Variants in TMEM181 observed in about 807,000 individuals in gnomAD.
The protein encoded by TMEM181 is transmembrane protein 181, also known as G protein-coupled receptor 178.
A neutral mutation model predicts 71.9 loss-of-function variants in TMEM181; 39 were observed. The observed-to-expected ratio is 0.54, with a 90% CI of 0.42 to 0.71. TMEM181 has a LOEUF of 0.71. TMEM181 is among the 30% of genes least tolerant of loss of function. The pLI, the probability that TMEM181 is intolerant of heterozygous loss-of-function variation, is 0.00. For missense variants in TMEM181, 595 were observed against 583.0 expected, an observed-to-expected ratio of 1.02 and a Z score of -0.21; for synonymous variants, 245 against 228.8, an observed-to-expected ratio of 1.07 and a Z score of -0.64.
At chr6:158,570,399 A>T (rs1183952557) in intron 1 of TMEM181, among the ~76,000 whole-genome samples, 10 of 142,714 alleles carry the variant, frequency 7.0e-5, no homozygotes, top group African/African-American at 2.6e-4. Context: ...AGCCTGGCTA[A>T]TTTTTTTTTT....
At chr6:158,592,344 A>C (rs888393036) in intron 6 of TMEM181, among the ~76,000 whole-genome samples, 10 of 152,212 alleles carry the variant, frequency 6.6e-5, no homozygotes, top group Admixed American at 6.5e-4. Context: ...TTTTTCAACC[A>C]ATCAATTTTC....
upstream of TMEM181, among the ~76,000 whole-genome samples, chr6:158,556,208 C>A (rs1445498955): frequency 6.6e-6 from 1 of 152,132 alleles, no homozygotes; most frequent in African/African-American, 2.4e-5. Flanking sequence ...AAAGCTGCTA[C>A]CAAAAAGAGG....
Position 158,608,416 on chromosome 6 carries a change from G to A in TMEM181, c.757G>A (p.Ala253Thr), listed in dbSNP as rs368999298. Residue 253 changes from alanine (A) to threonine (T), a missense_variant, in exon 9 of 17, where the codon GCC (alanine) becomes ACC (threonine). By Grantham distance (58) the Ala-to-Thr change is moderately conservative. Coordinates refer to ENST00000684151, the MANE Select transcript of TMEM181 (RefSeq NM_001376852.1). ...DDLFQSMFLC[A>T]LLLFWLCVYH... ...CCTCTTTCAGTCCATGTTCCTGTGC[G>A]CCCTGCTGCTCTTCTGGCTGTGCGT... 1.2e-5 allele frequency: 20 copies of A among 1,614,040 alleles called. No individual in the cohort carries two copies. The highest frequency in any genetic ancestry group is 1.4e-5 in the Non-Finnish European group (17 of 1,180,046).
chr6:158,589,561 GGA>G, intron 5 of TMEM181, 109 bp from the exon 6 acceptor site: 1 of 772,218 alleles, frequency 1.3e-6, no homozygotes. Flanking sequence ...CGAGTTCCCT[GGA>G]GACAATGAGT....
chr6:158,559,403 A>C (rs1376138131), upstream of TMEM181, among the ~76,000 whole-genome samples: 1 of 152,220 alleles, frequency 6.6e-6, no homozygotes, highest in Non-Finnish European at 1.5e-5. Context: ...TCCTTTATTT[A>C]ACTCATGCAG....
At chr6:158,546,867 G>A (rs968443210) in intron 1 of TMEM181, among the ~76,000 whole-genome samples, 1 of 152,210 alleles carries the variant, frequency 6.6e-6, no homozygotes, top group Admixed American at 6.5e-5. Flanking sequence ...GGCTGAGGCC[G>A]GAGAATCATT....
chr6:158,536,875 G>C, intron 1 of TMEM181: 2 of 1,348,844 alleles, frequency 1.5e-6, no homozygotes, highest in Non-Finnish European at 1.9e-6. Context: ...GGTGGGCGCG[G>C]CGCGGGCAGC....
At position 158,585,382 on chromosome 6, in the gene TMEM181, A is replaced by G; in HGVS notation, c.338A>G (p.His113Arg). Residue 113 changes from histidine to arginine, a missense_variant, in exon 5 of 17, where the codon CAT becomes CGT. Transcript: ENST00000684151. The part of the protein sequence containing the change: ...VAQDGTTMYI[H>R]NKVHNRTRTL... ...CAAGATGGAACCACGATGTACATTC[A>G]TAACAAAGTTCACAACCGGACAAGG... The G allele has an allele frequency of 1.2e-6, 2 of 1,612,464 alleles. No individual in the cohort carries two copies. Among genetic ancestry groups the G allele is most frequent in the Non-Finnish European group, 1.7e-6 (2 of 1,179,724 alleles).
intron 10 of TMEM181, among the ~76,000 whole-genome samples, chr6:158,622,058 C>T (rs779848239): frequency 6.6e-6 from 1 of 152,134 alleles, no homozygotes; most frequent in Admixed American, 6.5e-5. Flanking sequence ...CCCAGACACC[C>T]GCCCTGCCTG....
At chr6:158,574,599 A>T (rs1361857468) in intron 2 of TMEM181, among the ~76,000 whole-genome samples, 2 of 152,204 alleles carry the variant, frequency 1.3e-5, no homozygotes, top group African/African-American at 4.8e-5. Context: ...TCTTGCAGAA[A>T]TGAGAAATGT....
chr6:158,536,818 C>G, exon 1 of TMEM181: 1 of 1,555,226 alleles, frequency 6.4e-7, no homozygotes, highest in Non-Finnish European at 8.6e-7. Flanking sequence ...AAGCGTACCG[C>G]GAGCTCAAGG....
At chr6:158,566,972 A>G (rs548843106) in intron 1 of TMEM181, among the ~76,000 whole-genome samples, 13 of 152,316 alleles carry the variant, frequency 8.5e-5, no homozygotes, top group African/African-American at 2.9e-4. Flanking sequence ...TAGTTTTTCT[A>G]GGAAACACAT....
chr6:158,568,479 C>T (rs371642209), intron 1 of TMEM181, among the ~76,000 whole-genome samples: 23 of 151,984 alleles, frequency 1.5e-4, no homozygotes, highest in Admixed American at 6.6e-4. Context: ...CACACGGGGA[C>T]GACAGAGATG....
At chr6:158,555,400 T>C (rs1267665464), upstream of TMEM181, among the ~76,000 whole-genome samples, 1 of 152,224 alleles carries the variant, frequency 6.6e-6, no homozygotes, top group African/African-American at 2.4e-5. Flanking sequence ...TTAAAAGAGA[T>C]GATCCTTAGG....
At chr6:158,566,674 G>C (rs1029786902) in intron 1 of TMEM181, among the ~76,000 whole-genome samples, 3 of 150,112 alleles carry the variant, frequency 2.0e-5, no homozygotes, top group African/African-American at 7.4e-5. Context: ...GGAGGTGATG[G>C]GGTGAAGGAG....
intron 13 of TMEM181, 115 bp downstream of exon 13, chr6:158,625,869 T>A (rs894610343): frequency 1.2e-5 from 11 of 944,358 alleles, no homozygotes; most frequent in South Asian, 6.0e-5. Flanking sequence ...CCCAGTAGAC[T>A]CATGAGGTTA....
chr6:158,562,468 G>A (rs1457276299), intron 1 of TMEM181, among the ~76,000 whole-genome samples: 1 of 142,456 alleles, frequency 7.0e-6, no homozygotes, highest in Non-Finnish European at 1.6e-5. Flanking sequence ...GTGTGTGTGT[G>A]TGTGTGTCTT....
intron 5 of TMEM181, among the ~76,000 whole-genome samples, chr6:158,587,029 T>TCCCACCTGGACAGCTTGATGACACC (rs1054432572): frequency 2.0e-5 from 3 of 152,182 alleles, no homozygotes; most frequent in African/African-American, 7.2e-5. Flanking sequence ...TGGTGGCCAC[T>TCCCACCTGGACAGCTTGATGACACC]CCCACCTGGA....
intron 1 of TMEM181, among the ~76,000 whole-genome samples, chr6:158,543,405 A>T (rs1247419253): frequency 6.6e-6 from 1 of 152,172 alleles, no homozygotes; most frequent in African/African-American, 2.4e-5. Context: ...CGTTCCCCAG[A>T]TATGGAAGCT....
Sources: allele counts gnomAD v4.1 joint callset (sites outside exome capture counted in the v4.1 genomes callset), GRCh38; gene constraint gnomAD v4.1.1; transcripts MANE v1.5; gene names NCBI Gene and HGNC (gene_info 2026-07-23, HGNC 2026-07-21).